PTPRD: variants seen among roughly 807,000 people sequenced by gnomAD.
PTPRD encodes receptor-type tyrosine-protein phosphatase delta.
PTPRD carries 34 observed loss-of-function variants against 214.5 expected under a neutral mutation model. The ratio of observed to expected loss-of-function variants is 0.16; its 90% CI spans 0.12 to 0.21. The LOEUF is 0.21. Ranked by LOEUF, PTPRD falls within the 10% of genes least tolerant of loss-of-function variation. The pLI, the probability that PTPRD is intolerant of heterozygous loss-of-function variation, is 1.00. For missense variants in PTPRD, 2,545 were observed against 2,398.7 expected (o/e 1.06, Z -1.27); for synonymous variants, 1,128 against 845.7 (o/e 1.33, Z -5.79).
At chr9:9,899,459 C>A (rs1009536229) in intron 5 of PTPRD, among the ~76,000 whole-genome samples, 1 of 151,924 alleles carries the variant, frequency 6.6e-6, no homozygotes, top group Non-Finnish European at 1.5e-5. Flanking sequence ...AGTTCAATAA[C>A]ACAATTCATC....
chr9:8,648,141 G>GT (rs2096732994), intron 12 of PTPRD, among the ~76,000 whole-genome samples: 1 of 152,196 alleles, frequency 6.6e-6, no homozygotes, highest in South Asian at 2.1e-4. Context: ...AGTGGAAATG[G>GT]TATGTTCCAA....
At chr9:9,480,226 T>C (rs181619278) in intron 8 of PTPRD, among the ~76,000 whole-genome samples, 1 of 152,288 alleles carries the variant, frequency 6.6e-6, no homozygotes, top group African/African-American at 2.4e-5. Context: ...GAGATGGTGA[T>C]TGGTGGTATT....
chr9:9,491,925 A>G (rs750152784), intron 8 of PTPRD, among the ~76,000 whole-genome samples: 8 of 152,096 alleles, frequency 5.3e-5, no homozygotes, highest in Non-Finnish European at 1.0e-4. Context: ...ATAATAGAAA[A>G]ACAGTAGAGT....
At chr9:10,063,565 A>G (rs1409207586) in intron 3 of PTPRD, among the ~76,000 whole-genome samples, 1 of 152,062 alleles carries the variant, frequency 6.6e-6, no homozygotes, top group Non-Finnish European at 1.5e-5. Context: ...AACTGAACAG[A>G]TAGCTACTCT....
At chr9:10,234,181 G>A (rs1296637975) in intron 3 of PTPRD, among the ~76,000 whole-genome samples, 1 of 151,536 alleles carries the variant, frequency 6.6e-6, no homozygotes, top group Non-Finnish European at 1.5e-5. Flanking sequence ...TTGAACCCGG[G>A]AGGCAGAGAG....
chr9:10,151,670 G>T (rs1383860572), intron 3 of PTPRD, among the ~76,000 whole-genome samples: 2 of 151,974 alleles, frequency 1.3e-5, no homozygotes, highest in East Asian at 3.9e-4. Context: ...GCATGTAGCT[G>T]AACGACCACC....
At chr9:10,280,654 A>G (rs1596045471) in intron 3 of PTPRD, among the ~76,000 whole-genome samples, 1 of 152,138 alleles carries the variant, frequency 6.6e-6, no homozygotes, top group South Asian at 2.1e-4. Context: ...CATAGGCTGG[A>G]GTGCTGTGGC....
chr9:9,163,476 G>A (rs2099894578), intron 10 of PTPRD, among the ~76,000 whole-genome samples: 1 of 151,386 alleles, frequency 6.6e-6, no homozygotes, highest in African/African-American at 2.4e-5. Flanking sequence ...ATTGCTTTCT[G>A]GATATTTCTC....
At chr9:9,309,447 C>T (rs558639389) in intron 9 of PTPRD, among the ~76,000 whole-genome samples, 1 of 152,196 alleles carries the variant, frequency 6.6e-6, no homozygotes, top group East Asian at 1.9e-4. Context: ...TCTACTTTAC[C>T]TTATCTCATA....
chr9:9,447,628 T>C (rs572065587), intron 8 of PTPRD, among the ~76,000 whole-genome samples: 27 of 152,038 alleles, frequency 1.8e-4, no homozygotes, highest in Non-Finnish European at 3.2e-4. Flanking sequence ...GGCAAATGTT[T>C]ACCTGTATGA....
chr9:9,164,280 T>C (rs1462481120), intron 10 of PTPRD, among the ~76,000 whole-genome samples: 1 of 152,120 alleles, frequency 6.6e-6, no homozygotes, highest in African/African-American at 2.4e-5. Context: ...CCTTCCTCTA[T>C]CTTCAAAGTC....
intron 2 of PTPRD, among the ~76,000 whole-genome samples, chr9:10,544,795 T>C (rs548325460): frequency 6.6e-6 from 1 of 152,196 alleles, no homozygotes; most frequent in Non-Finnish European, 1.5e-5. Flanking sequence ...ACTTTAATGC[T>C]TATCAGCAAA....
chr9:9,907,828 G>C (rs1277983118), intron 5 of PTPRD, among the ~76,000 whole-genome samples: 1 of 151,850 alleles, frequency 6.6e-6, no homozygotes, highest in Non-Finnish European at 1.5e-5. Flanking sequence ...TGAAAATAGT[G>C]AATCACTTAA....
chr9:8,627,379 C>A (rs533390935), intron 14 of PTPRD, among the ~76,000 whole-genome samples: 21 of 151,986 alleles, frequency 1.4e-4, no homozygotes, highest in Admixed American at 2.0e-4. Flanking sequence ...ACCTTGGCTC[C>A]TTACATCAAA....
intron 39 of PTPRD, among the ~76,000 whole-genome samples, chr9:8,342,397 G>A (rs562402093): frequency 1.3e-4 from 20 of 152,056 alleles, no homozygotes; most frequent in Admixed American, 7.2e-4. Context: ...ATCTGTTTTC[G>A]TCCCATGTAC....
At chr9:9,746,240 C>T (rs572790192) in intron 6 of PTPRD, among the ~76,000 whole-genome samples, 8 of 152,018 alleles carry the variant, frequency 5.3e-5, no homozygotes, top group East Asian at 3.9e-4. Context: ...ATAAAAGAGA[C>T]GACATGCTCA....
At chr9:9,910,919 T>A (rs982430202) in intron 5 of PTPRD, among the ~76,000 whole-genome samples, 2 of 152,004 alleles carry the variant, frequency 1.3e-5, no homozygotes, top group African/African-American at 4.8e-5. Flanking sequence ...TGGGCTCGAG[T>A]AGCGTAGTTC....
intron 11 of PTPRD, among the ~76,000 whole-genome samples, chr9:8,959,747 A>G (rs575129795): frequency 2.0e-5 from 3 of 152,210 alleles, no homozygotes; most frequent in Non-Finnish European, 4.4e-5. Context: ...TCCTCCACTA[A>G]GCCAGATGGA....
At chr9:8,565,313 C>T (rs932399008) in intron 14 of PTPRD, among the ~76,000 whole-genome samples, 3 of 152,042 alleles carry the variant, frequency 2.0e-5, no homozygotes, top group Non-Finnish European at 4.4e-5. Context: ...CTTTTTTTCC[C>T]TAGAATAGTA....
Sources: allele counts gnomAD v4.1 joint callset (sites outside exome capture counted in the v4.1 genomes callset), GRCh38; gene constraint gnomAD v4.1.1; transcripts MANE v1.5; gene names NCBI Gene and HGNC (gene_info 2026-07-23, HGNC 2026-07-21).